Variants in NELL1 observed in about 807,000 individuals in gnomAD.
NELL1 encodes the protein protein kinase C-binding protein NELL1.
In NELL1, 76 loss-of-function variants were observed where a neutral mutation model predicts 107.4. The observed-to-expected ratio is 0.71, with a 90% CI of 0.59 to 0.86. The LOEUF (loss-of-function observed/expected upper bound fraction) is 0.86. Among genes scored for constraint, NELL1 ranks in the 40% least tolerant of loss-of-function variants. NELL1 has a pLI of 0.00. For synonymous variants in NELL1, 353 were observed against 341.2 expected, an observed-to-expected ratio of 1.03 and a Z score of -0.38; for missense variants, 1,024 against 1,005.5, an observed-to-expected ratio of 1.02 and a Z score of -0.25.
At chr11:21,115,730 A>G (rs1044904949) in intron 13 of NELL1, among the ~76,000 whole-genome samples, 5 of 151,942 alleles carry the variant, frequency 3.3e-5, no homozygotes, top group Admixed American at 2.6e-4. Context: ...ATACCAGTGC[A>G]TTTAGGATGT....
Position 21,093,863 on chromosome 11 carries a change from G to A in NELL1, c.1301-19726G>A, listed in dbSNP as rs550878527. On this transcript the variant is annotated intron_variant, in intron 12 of 19. Coordinates refer to ENST00000357134, the MANE Select transcript of NELL1 (RefSeq NM_006157.5). The stretch of plus-strand genomic sequence containing the variant: ...TCCTTCACACAACACATGGGAATTC[G>A]AGATGAGATTTGGTTGGGGAAACAG... 4.6e-5 allele frequency among the ~76,000 whole-genome samples: 7 copies of A among 152,164 alleles called. No homozygotes were observed. In the East Asian group the frequency reaches 7.7e-4, roughly 17 times the overall value.
chr11:21,385,351 T>G lies in NELL1; in HGVS notation c.1645+14403T>G, dbSNP rs118065975. ...AGAAGAAGCTCTTTTAGTTTCGTATTAGTCTCTAAAGCCACAATACTGTTA... is the reference window on the plus strand; with the variant it reads ...AGAAGAAGCTCTTTTAGTTTCGTATGAGTCTCTAAAGCCACAATACTGTTA... On this transcript the variant is annotated intron_variant, in intron 15 of 19. Coordinates refer to ENST00000357134, the MANE Select transcript of NELL1 (RefSeq NM_006157.5). Among the ~76,000 whole-genome samples, 20 of 152,036 alleles carry G rather than the reference T, an allele frequency of 1.3e-4. No individual in the cohort carries two copies. In the East Asian group the frequency reaches 3.7e-3, roughly 28 times the overall value.
intron 10 of NELL1, among the ~76,000 whole-genome samples, chr11:20,946,155 T>C (rs977982324): frequency 2.0e-5 from 3 of 152,162 alleles, no homozygotes; most frequent in African/African-American, 7.2e-5. Context: ...ACCAGAGAAA[T>C]GTGGAACCAC....
At chr11:21,350,767 A>G (rs1850791362) in intron 14 of NELL1, among the ~76,000 whole-genome samples, 1 of 152,168 alleles carries the variant, frequency 6.6e-6, no homozygotes, top group South Asian at 2.1e-4. Context: ...TAGGCTAAAC[A>G]GATCAGTGGG....
At chr11:21,470,438 T>C (rs1854147024) in intron 15 of NELL1, among the ~76,000 whole-genome samples, 1 of 152,066 alleles carries the variant, frequency 6.6e-6, no homozygotes, top group Non-Finnish European at 1.5e-5. Context: ...CCAATATACT[T>C]TTTCAAAACA....
chr11:21,313,397 C>G, intron 14 of NELL1, among the ~76,000 whole-genome samples: 1 of 152,132 alleles, frequency 6.6e-6, no homozygotes, highest in East Asian at 1.9e-4. Context: ...AGAATCAAGT[C>G]ATTAGCACTC....
chr11:20,674,119 G>A (rs1853988586), intron 1 of NELL1, among the ~76,000 whole-genome samples: 1 of 152,162 alleles, frequency 6.6e-6, no homozygotes, highest in Non-Finnish European at 1.5e-5. Flanking sequence ...TAAAGCCAGA[G>A]AAGCTCCTTC....
chr11:20,849,946 T>A (rs1381953198), intron 4 of NELL1, among the ~76,000 whole-genome samples: 1 of 152,152 alleles, frequency 6.6e-6, no homozygotes, highest in African/African-American at 2.4e-5. Flanking sequence ...TAACAAGCCC[T>A]CCATATAGGT....
intron 13 of NELL1, among the ~76,000 whole-genome samples, chr11:21,137,820 A>G (rs1855778294): frequency 6.6e-6 from 1 of 152,200 alleles, no homozygotes; most frequent in Non-Finnish European, 1.5e-5. Context: ...GAGGGGGTCT[A>G]TTGTTAAAGT....
chr11:20,822,901 G>A (rs528425489), intron 3 of NELL1, among the ~76,000 whole-genome samples: 1 of 152,324 alleles, frequency 6.6e-6, no homozygotes, highest in South Asian at 2.1e-4. Context: ...GATGCAGTGG[G>A]GAGTAAAGAG....
In NELL1 at chr11:20,761,973, G is replaced by A. The variant is rs548671206; in HGVS notation, c.185-21707G>A. The stretch of plus-strand genomic sequence containing the variant: ...CTTTGCTAAGAAAAGGAAACTTCTC[G>A]GGAGAGAACCTTGTGAGTGCCTTAA... On this transcript the variant is annotated intron_variant, in intron 2 of 19. Coordinates refer to ENST00000357134, the MANE Select transcript of NELL1 (RefSeq NM_006157.5). 5.7e-4 allele frequency among the ~76,000 whole-genome samples: 87 copies of A among 152,300 alleles called. No homozygotes were observed. In the South Asian group the frequency reaches 0.012, roughly 20 times the overall value.
intron 16 of NELL1, among the ~76,000 whole-genome samples, chr11:21,538,408 T>C (rs1856197016): frequency 6.6e-6 from 1 of 152,120 alleles, no homozygotes; most frequent in South Asian, 2.1e-4. Context: ...GTGTAACATA[T>C]GATTGAAGAA....
At chr11:21,539,515 A>T (rs1047944033) in intron 16 of NELL1, among the ~76,000 whole-genome samples, 2 of 151,670 alleles carry the variant, frequency 1.3e-5, no homozygotes, top group Non-Finnish European at 2.9e-5. Flanking sequence ...TCTCAGTGGG[A>T]TGGATGCGGA....
At chr11:20,733,880 G>A (rs1855702575) in intron 2 of NELL1, among the ~76,000 whole-genome samples, 2 of 152,172 alleles carry the variant, frequency 1.3e-5, no homozygotes, top group South Asian at 4.1e-4. Context: ...CATGGACTTT[G>A]CATTCTAGCG....
intron 14 of NELL1, among the ~76,000 whole-genome samples, chr11:21,257,820 AGGGGAT>A (rs1438151689): frequency 1.3e-5 from 2 of 151,970 alleles, no homozygotes; most frequent in Admixed American, 6.6e-5. Flanking sequence ...TAATGGTAGG[AGGGGAT>A]TATCCATGAC....
chr11:21,450,214 T>C (rs1853543526), intron 15 of NELL1, among the ~76,000 whole-genome samples: 1 of 152,218 alleles, frequency 6.6e-6, no homozygotes, highest in Admixed American at 6.5e-5. Context: ...TCTTTTAATC[T>C]GATAGCAAAA....
chr11:21,099,454 A>G (rs1227653908), intron 12 of NELL1, among the ~76,000 whole-genome samples: 1 of 152,124 alleles, frequency 6.6e-6, no homozygotes, highest in Non-Finnish European at 1.5e-5. Flanking sequence ...TCGGTGGATG[A>G]GTCAGGGTAA....
chr11:20,996,496 T>C (rs1852093179), intron 12 of NELL1, among the ~76,000 whole-genome samples: 1 of 152,182 alleles, frequency 6.6e-6, no homozygotes, highest in Non-Finnish European at 1.5e-5. Context: ...TCAGCTTCCA[T>C]TTGCTCACCT....
chr11:21,560,774 C>T (rs1007083716), intron 17 of NELL1, among the ~76,000 whole-genome samples: 4 of 152,096 alleles, frequency 2.6e-5, no homozygotes, highest in African/African-American at 9.6e-5. Context: ...CCTGCATGAA[C>T]TTGCTCACTT....
Sources: gnomAD v4.1 joint callset for allele counts (sites outside exome capture counted in the v4.1 genomes callset) on GRCh38, gnomAD v4.1.1 for gene constraint, MANE v1.5 for transcripts, NCBI Gene and HGNC (gene_info 2026-07-23, HGNC 2026-07-21) for gene names.